Variants in GLDC observed in about 807,000 individuals in gnomAD.
The protein encoded by GLDC is glycine dehydrogenase (decarboxylating), mitochondrial.
In GLDC, 104 loss-of-function variants were observed where a neutral mutation model predicts 121.3. The observed-to-expected ratio is 0.86, with a 90% CI of 0.73 to 1.01. The LOEUF (loss-of-function observed/expected upper bound fraction) is 1.01, where lower values mean the gene tolerates loss of function less well. Ranked by LOEUF, GLDC falls within the 50% of genes least tolerant of loss-of-function variation. The probability of loss-of-function intolerance (pLI) is 0.00; values close to 1 mark genes in which losing one functional copy is unlikely to be tolerated. For missense variants in GLDC, 1,429 were observed against 1,306.6 expected (o/e 1.09, Z -1.44); for synonymous variants, 546 against 480.6 (o/e 1.14, Z -1.78).
Position 6,645,568 on chromosome 9 carries a change from C to G in GLDC, c.-69G>C. 1 of 1,164,122 alleles carries G rather than the reference C, an allele frequency of 8.6e-7. No homozygotes were observed. The highest frequency in any genetic ancestry group is 1.1e-6 in the Non-Finnish European group (1 of 924,668). 72.1% of individuals were successfully genotyped at this position (1,164,122 alleles called of 1,614,324 possible). ...GCGCTCTTGGCCCCTCTCCTGGCCT[C>G]GGTCCCCCGGGTGGCGGCTGCGCCC... On this transcript the variant is annotated 5_prime_UTR_variant, in exon 1 of 25. Coordinates refer to ENST00000321612, the MANE Select transcript of GLDC (RefSeq NM_000170.3).
At chr9:6,550,317 C>T (rs1226979867) in intron 21 of GLDC, among the ~76,000 whole-genome samples, 1 of 152,100 alleles carries the variant, frequency 6.6e-6, no homozygotes, top group African/African-American at 2.4e-5. Flanking sequence ...TAGTAATGCC[C>T]CTAAACAGTT....
chr9:6,617,814 T>A (rs931305590), intron 3 of GLDC, among the ~76,000 whole-genome samples: 21 of 152,354 alleles, frequency 1.4e-4, no homozygotes, highest in African/African-American at 5.1e-4. Context: ...ATGCAAAGTG[T>A]TTATCAAATT....
At chr9:6,553,814 T>A (rs1335344479) in intron 19 of GLDC, among the ~76,000 whole-genome samples, 3 of 151,840 alleles carry the variant, frequency 2.0e-5, no homozygotes, top group African/African-American at 7.3e-5. Flanking sequence ...CCAGCCCCAT[T>A]CCCTCACCCC....
intron 22 of GLDC, 27 bp downstream of exon 22, chr9:6,540,024 G>C: frequency 7.1e-7 from 1 of 1,406,538 alleles, no homozygotes; most frequent in Non-Finnish European, 1.0e-6. Flanking sequence ...AGCATGGGCG[G>C]CGGCATGAAT....
intron 2 of GLDC, among the ~76,000 whole-genome samples, chr9:6,623,621 A>T (rs1819168509): frequency 1.3e-5 from 2 of 152,184 alleles, no homozygotes; most frequent in African/African-American, 4.8e-5. Context: ...ATAAAAAAAA[A>T]AATAAAAAAA....
At chr9:6,618,997 C>T (rs1268257084) in intron 3 of GLDC, among the ~76,000 whole-genome samples, 1 of 151,560 alleles carries the variant, frequency 6.6e-6, no homozygotes, top group Non-Finnish European at 1.5e-5. Flanking sequence ...CAAAAAATTA[C>T]CCAGGCACAC....
chr9:6,623,931 G>A (rs10481602), intron 2 of GLDC, among the ~76,000 whole-genome samples: 29,598 of 152,132 alleles, frequency 0.19, 3,291 homozygotes, highest in East Asian at 0.37. Flanking sequence ...AGGCGAGTCC[G>A]GCTTCAATTA....
intron 16 of GLDC, among the ~76,000 whole-genome samples, chr9:6,561,925 C>T (rs555144499): frequency 6.6e-6 from 1 of 152,290 alleles, no homozygotes; most frequent in African/African-American, 2.4e-5. Flanking sequence ...ACTACTTTGT[C>T]TCAGGCAGTT....
At chr9:6,639,774 C>G (rs1426282778) in intron 2 of GLDC, among the ~76,000 whole-genome samples, 27 of 151,298 alleles carry the variant, frequency 1.8e-4, no homozygotes, top group Non-Finnish European at 2.9e-5. Flanking sequence ...TTCACCCACA[C>G]CTGTCCAGGA....
intron 2 of GLDC, among the ~76,000 whole-genome samples, chr9:6,625,669 C>T (rs1819220388): frequency 6.6e-6 from 1 of 152,176 alleles, no homozygotes; most frequent in Admixed American, 6.5e-5. Context: ...TAGAGGTGCT[C>T]AAATGTGTTG....
At chr9:6,546,312 C>A (rs1336611732) in intron 21 of GLDC, among the ~76,000 whole-genome samples, 3 of 152,000 alleles carry the variant, frequency 2.0e-5, no homozygotes, top group Non-Finnish European at 2.9e-5. Context: ...CCTGCCTCAA[C>A]CTTCCAAGTA....
intron 8 of GLDC, 139 bp from the exon 9 acceptor site, chr9:6,595,258 G>T (rs1426253689): frequency 2.0e-5 from 15 of 739,184 alleles, no homozygotes; most frequent in Non-Finnish European, 3.6e-5. Context: ...TGATAGTTGG[G>T]GACAATTAAT....
chr9:6,598,762 A>G (rs1219366870), intron 8 of GLDC, among the ~76,000 whole-genome samples: 1 of 152,280 alleles, frequency 6.6e-6, no homozygotes, highest in Non-Finnish European at 1.5e-5. Flanking sequence ...GATGAAAATC[A>G]GACAAGCTGG....
At chr9:6,622,832 G>C (rs1819138372) in intron 2 of GLDC, 2 of 228,502 alleles carry the variant, frequency 8.8e-6, no homozygotes, top group Non-Finnish European at 1.8e-5. Context: ...CATCTAGGAA[G>C]TGAGGAGCGT....
At chr9:6,569,446 G>A (rs1269052679) in intron 15 of GLDC, 2 of 151,912 alleles carry the variant, frequency 1.3e-5, no homozygotes, top group Non-Finnish European at 2.9e-5. Context: ...AAGGTCAGGA[G>A]TTCGAGACCA....
intron 10 of GLDC, 43 bp from the exon 11 acceptor site, chr9:6,592,266 C>T (rs1461987637): frequency 1.7e-6 from 2 of 1,183,802 alleles, no homozygotes; most frequent in South Asian, 1.2e-5. Context: ...ACTCTAAACT[C>T]CACATCACTG....
rs764153656 is a variant in GLDC at position 6,604,632 on chromosome 9, T to C, written c.1014A>G (p.Glu338=). ...TTCCAGGCATCATTCTCACCAAGCT[T>C]TCTCGGACAGCAAAAAATGCTGCAT... ...GPHAAFFAVR[E]SLVRMMPGRM... Residue 338 remains glutamate, a synonymous_variant, in exon 7 of 25, where the codon GAA becomes GAG. Transcript: ENST00000321612. 2.5e-5 allele frequency: 41 copies of C among 1,613,330 alleles called. 1 individual carries two copies. The Middle Eastern group carries it at 5.4e-4, about 21-fold the overall frequency.
intron 16 of GLDC, among the ~76,000 whole-genome samples, chr9:6,564,953 T>TTCA (rs1379388843): frequency 6.6e-6 from 1 of 152,220 alleles, no homozygotes; most frequent in Non-Finnish European, 1.5e-5. Context: ...AGAACCGGGC[T>TTCA]TCAGCACAAC....
At position 6,643,981 on chromosome 9, in the gene GLDC, C is replaced by T. The variant is rs150484890; in HGVS notation, c.334+633G>A. Among the ~76,000 whole-genome samples the T allele has an allele frequency of 7.3e-3, 918 of 126,024 alleles. 3 individuals are homozygous for T. Among genetic ancestry groups the T allele is most frequent in the Middle Eastern group, 0.037 (7 of 190 alleles). The allele number at this position is 126,024 out of a possible 152,430, so 82.7% of individuals were successfully genotyped here. On this transcript the variant is annotated intron_variant, in intron 2 of 24. Transcript: ENST00000321612. ...CCAGGGAGGCGGAGGTTGCAGTGAG[C>T]CGAGATCAAGCCACAGCACTCCAGC...
Sources: allele counts gnomAD v4.1 joint callset (sites outside exome capture counted in the v4.1 genomes callset), GRCh38; gene constraint gnomAD v4.1.1; transcripts MANE v1.5; gene names NCBI Gene and HGNC (gene_info 2026-07-23, HGNC 2026-07-21).